GP1BA: variants seen among roughly 807,000 people sequenced by gnomAD.
GP1BA encodes platelet glycoprotein Ib alpha chain.
GP1BA carries 3 observed loss-of-function variants against 5.6 expected under a neutral mutation model. The ratio of observed to expected loss-of-function variants is 0.53; its 90% CI spans 0.24 to 1.38. The LOEUF (loss-of-function observed/expected upper bound fraction) is 1.38. GP1BA is among the 40% of genes most tolerant of loss of function. The pLI is 0.16. For synonymous variants in GP1BA, 323 were observed against 358.3 expected (o/e 0.90, Z 1.11); for missense variants, 707 against 801.4 (o/e 0.88, Z 1.42).
chr17:4,932,366 G>A lies in GP1BA; in HGVS notation c.-7+1G>A. On this transcript the variant is annotated splice_donor_variant, in intron 1 of 1. Transcript: ENST00000329125. LOFTEE classifies it low-confidence loss of function (5UTR_SPLICE). This position sits in a 1 kb window ranked among gnomAD's most constrained non-coding sequence, Gnocchi z 4.8. ...CCTTCGGAGGTCTTTCTGCCTGCCT[G>A]TAAGCCGGGGTTGGTGCTGGGGCAG... 1 of 1,385,904 alleles carries A rather than the reference G, an allele frequency of 7.2e-7. No individual in the cohort carries two copies. Among genetic ancestry groups the A allele is most frequent in the Non-Finnish European group, 9.3e-7 (1 of 1,070,132 alleles). 85.9% of individuals were successfully genotyped at this position (1,385,904 alleles called of 1,614,324 possible).
chr17:4,934,444 C>T lies in GP1BA; in HGVS notation c.1840C>T (p.Arg614Trp), dbSNP rs773598334. 2.8e-5 allele frequency: 45 copies of T among 1,613,932 alleles called. No homozygotes were observed. The highest frequency in any genetic ancestry group is 3.3e-4 in the Middle Eastern group (2 of 6,084). ...TFRSSLFLWV[R>W]PNGRVGPLVA... Reference sequence around the variant, plus strand: ...CCGCTCCAGCCTCTTCCTGTGGGTACGGCCTAATGGCCGTGTGGGGCCTCT... The same window carrying T: ...CCGCTCCAGCCTCTTCCTGTGGGTATGGCCTAATGGCCGTGTGGGGCCTCT... Residue 614 changes from arginine to tryptophan, a missense_variant, in exon 2 of 2, where the codon CGG becomes TGG. This residue lies in a region of GP1BA where 247 missense variants were observed against 246.6 expected (regional missense o/e 1.00). Transcript: ENST00000329125.
chr17:4,934,021 A>G lies in GP1BA; in HGVS notation c.1417A>G (p.Thr473Ala), dbSNP rs776443625. 10 of 1,612,428 alleles carry G rather than the reference A, an allele frequency of 6.2e-6. No homozygotes were observed. Residue 473 changes from threonine to alanine, a missense_variant, in exon 2 of 2, where the codon ACT becomes GCT. Thr to Ala is a moderately conservative substitution (Grantham distance 58). Transcript: ENST00000329125. ...TILVSATSLI[T>A]PKSTFLTTTK... Reference sequence around the variant, plus strand: ...CCTGGTGTCTGCCACAAGCCTGATCACTCCAAAAAGCACATTTTTAACTAC... The same window carrying G: ...CCTGGTGTCTGCCACAAGCCTGATCGCTCCAAAAAGCACATTTTTAACTAC...
rs772389629 is a variant in GP1BA at position 4,932,720 on chromosome 17, C to G, written c.116C>G (p.Thr39Arg). The change falls in exon 2 of 2, where the codon ACA becomes AGA. Residue 39 changes from threonine to arginine, a missense_variant. By Grantham distance (71) the Thr-to-Arg change is moderately conservative (BLOSUM62 -1). Around this residue, in one of 3 missense-constraint regions of GP1BA, gnomAD observed 442 missense variants for 498.8 expected, o/e 0.89. Coordinates refer to ENST00000329125, the MANE Select transcript of GP1BA (RefSeq NM_000173.7). The surrounding 1 kb of genome is among the most constrained non-coding windows in gnomAD (Gnocchi z 4.8). ...LEVNCDKRNL[T>R]ALPPDLPKDT... Reference sequence around the variant, plus strand: ...GTGAACTGTGACAAGAGGAATCTGACAGCGCTGCCTCCAGACCTGCCGAAA... The same window carrying G: ...GTGAACTGTGACAAGAGGAATCTGAGAGCGCTGCCTCCAGACCTGCCGAAA... 2.5e-6 allele frequency: 4 copies of G among 1,613,870 alleles called. No homozygotes were observed. The highest frequency in any genetic ancestry group is 3.4e-6 in the Non-Finnish European group (4 of 1,179,886).
rs748022108 is a variant in GP1BA, at chr17:4,933,091, A to G, written c.487A>G (p.Thr163Ala). 2.5e-5 allele frequency: 41 copies of G among 1,613,858 alleles called. No individual in the cohort carries two copies. The South Asian group carries it at 4.5e-4, about 18-fold the overall frequency. ...KTLPPGLLTP[T>A]PKLEKLSLAN... is the part of the protein sequence containing the mutation. ...CCTGCCCCCAGGGCTCCTGACGCCC[A>G]CACCCAAGCTGGAGAAGCTCAGTCT... The change falls in exon 2 of 2, where the codon ACA (threonine) becomes GCA (alanine). Residue 163 changes from threonine to alanine, a missense_variant. Transcript: ENST00000329125.
rs1314377781 is a variant in GP1BA, at chr17:4,933,711, C to T, written c.1107C>T (p.Ser369=). ...CAAATTTCACACTTCACATGGAATC[C>T]ATCACATTCTCCAAAACTCCAAAAT... is the stretch of plus-strand genomic sequence containing the variant. ...WTPNFTLHME[S]ITFSKTPKST... The change falls in exon 2 of 2, where the codon TCC becomes TCT. Residue 369 remains serine, a synonymous_variant. Transcript: ENST00000329125. 6.2e-7 allele frequency: 1 copy of T among 1,613,950 alleles called. No individual in the cohort carries two copies.
Position 4,934,483 on chromosome 17 carries a change from A to G in GP1BA, c.1879A>G (p.Arg627Gly). ...GRVGPLVAGR[R>G]PSALSQGRGQ... is the part of the protein sequence containing the mutation. ...TGTGGGGCCTCTAGTGGCAGGAAGGAGGCCCTCAGCTCTGAGTCAGGGTCG... is the reference window on the plus strand; with the variant it reads ...TGTGGGGCCTCTAGTGGCAGGAAGGGGGCCCTCAGCTCTGAGTCAGGGTCG... Residue 627 changes from arginine to glycine, a missense_variant, in exon 2 of 2, where the codon AGG becomes GGG. Transcript: ENST00000329125. 2 of 1,613,994 alleles carry G rather than the reference A, an allele frequency of 1.2e-6. No individual in the cohort carries two copies. The highest frequency in any genetic ancestry group is 8.5e-7 in the Non-Finnish European group (1 of 1,179,898).
At position 4,934,117 on chromosome 17, in the gene GP1BA, C is replaced by T. The variant is rs768602580; in HGVS notation, c.1513C>T (p.Arg505Cys). 6.2e-6 allele frequency: 10 copies of T among 1,613,700 alleles called. No individual in the cohort carries two copies. Among genetic ancestry groups the T allele is most frequent in the Admixed American group, 5.0e-5 (3 of 60,004 alleles). ...IPELDQPPKL[R>C]GVLQGHLESS... ...TGAACTTGATCAGCCACCAAAGCTC[C>T]GTGGGGTGCTCCAAGGGCATTTGGA... Residue 505 changes from arginine to cysteine, a missense_variant, in exon 2 of 2, where the codon CGT (arginine) becomes TGT (cysteine). Coordinates refer to ENST00000329125, the MANE Select transcript of GP1BA (RefSeq NM_000173.7).
In GP1BA at chr17:4,933,134, C is replaced by T. The variant is rs1296692486; in HGVS notation, c.530C>T (p.Thr177Ile). Residue 177 changes from threonine to isoleucine, a missense_variant, in exon 2 of 2, where the codon ACT (threonine) becomes ATT (isoleucine). Coordinates refer to ENST00000329125, the MANE Select transcript of GP1BA (RefSeq NM_000173.7). Reference sequence around the variant, plus strand: ...CTCAGTCTGGCTAACAACAACTTGACTGAGCTCCCCGCTGGGCTCCTGAAT... The same window carrying T: ...CTCAGTCTGGCTAACAACAACTTGATTGAGCTCCCCGCTGGGCTCCTGAAT... Reference protein sequence around the residue: ...EKLSLANNNLTELPAGLLNGL... With the variant: ...EKLSLANNNLIELPAGLLNGL... The T allele has an allele frequency of 1.2e-6, 2 of 1,613,866 alleles. No homozygotes were observed. The highest frequency in any genetic ancestry group is 2.7e-5 in the African/African-American group (2 of 74,934).
Position 4,934,531 on chromosome 17 carries a change from G to C in GP1BA, c.1927G>C (p.Val643Leu). The C allele has an allele frequency of 6.2e-7, 1 of 1,614,048 alleles. No individual in the cohort carries two copies. The highest frequency in any genetic ancestry group is 8.5e-7 in the Non-Finnish European group (1 of 1,179,902). Residue 643 changes from valine to leucine, a missense_variant, in exon 2 of 2, where the codon GTG (valine) becomes CTG (leucine). Around this residue, in one of 3 missense-constraint regions of GP1BA, gnomAD observed 247 missense variants for 246.6 expected, o/e 1.00. Coordinates refer to ENST00000329125, the MANE Select transcript of GP1BA (RefSeq NM_000173.7). ...QGRGQDLLST[V>L]SIRYSGHSL Reference sequence around the variant, plus strand: ...TCGTGGTCAGGACCTGCTGAGCACAGTGAGCATTAGGTACTCTGGCCACAG... The same window carrying C: ...TCGTGGTCAGGACCTGCTGAGCACACTGAGCATTAGGTACTCTGGCCACAG...
Position 4,932,433 on chromosome 17 carries a change from C to A in GP1BA, c.-7+68C>A. On this transcript the variant is annotated intron_variant, in intron 1 of 1. Coordinates refer to ENST00000329125, the MANE Select transcript of GP1BA (RefSeq NM_000173.7). The surrounding 1 kb of genome is among the most constrained non-coding windows in gnomAD (Gnocchi z 4.8). The stretch of plus-strand genomic sequence containing the variant: ...AGGGGAAAGAGCCAAGGACCTGGAG[C>A]TAGTAGTTTTAAGTTCTGCAGGCAA... The A allele has an allele frequency of 1.5e-6, 2 of 1,350,042 alleles. No homozygotes were observed. The highest frequency in any genetic ancestry group is 2.0e-6 in the Non-Finnish European group (2 of 1,023,912). The allele number at this position is 1,350,042 out of a possible 1,614,324, so 83.6% of individuals were successfully genotyped here.
Position 4,934,342 on chromosome 17 carries a change from C to A in GP1BA, c.1738C>A (p.Leu580Met). 6.2e-7 allele frequency: 1 copy of A among 1,614,032 alleles called. No homozygotes were observed. Among genetic ancestry groups the A allele is most frequent in the Non-Finnish European group, 8.5e-7 (1 of 1,179,910 alleles). The change falls in exon 2 of 2, where the codon CTG (leucine) becomes ATG (methionine). Residue 580 changes from leucine (L) to methionine (M), a missense_variant. Leu to Met is a conservative substitution (Grantham distance 15). Coordinates refer to ENST00000329125, the MANE Select transcript of GP1BA (RefSeq NM_000173.7). The stretch of plus-strand genomic sequence containing the variant: ...GACCACAGCCACACAAACCACACAC[C>A]TGGAGCTGCAGAGGGGACGGCAAGT... The part of the protein sequence containing the change: ...ALTTATQTTH[L>M]ELQRGRQVTV...
chr17:4,934,010 C>T lies in GP1BA; in HGVS notation c.1406C>T (p.Thr469Ile). Residue 469 changes from threonine to isoleucine, a missense_variant, in exon 2 of 2, where the codon ACA becomes ATA. Physicochemically the swap from Thr to Ile is moderately conservative, Grantham distance 89 (BLOSUM62 -1). Coordinates refer to ENST00000329125, the MANE Select transcript of GP1BA (RefSeq NM_000173.7). Reference protein sequence around the residue: ...ATSPTILVSATSLITPKSTFL... With the variant: ...ATSPTILVSAISLITPKSTFL... Reference sequence around the variant, plus strand: ...AGCCCGACCATCCTGGTGTCTGCCACAAGCCTGATCACTCCAAAAAGCACA... The same window carrying T: ...AGCCCGACCATCCTGGTGTCTGCCATAAGCCTGATCACTCCAAAAAGCACA... 1 of 1,612,740 alleles carries T rather than the reference C, an allele frequency of 6.2e-7. No homozygotes were observed. The highest frequency in any genetic ancestry group is 1.7e-5 in the Admixed American group (1 of 59,762).
chr17:4,932,518 T>C lies in GP1BA; in HGVS notation c.-6-81T>C. ...TGGATGCTGTTTCTGGAAGCGAAGC[T>C]GCAGGGGGAAGGGGGCTGGGGCCTG... On this transcript the variant is annotated intron_variant, in intron 1 of 1. Transcript: ENST00000329125. The surrounding 1 kb of genome is among the most constrained non-coding windows in gnomAD (Gnocchi z 4.8). 1 of 1,275,484 alleles carries C rather than the reference T, an allele frequency of 7.8e-7. No homozygotes were observed. Among genetic ancestry groups the C allele is most frequent in the Non-Finnish European group, 1.0e-6 (1 of 961,214 alleles). The allele number at this position is 1,275,484 out of a possible 1,614,324, so 79.0% of individuals were successfully genotyped here. A position where few individuals can be genotyped will look rare whatever the true frequency, so the allele number is the denominator to read the frequency against.
Position 4,932,862 on chromosome 17 carries a change from C to T in GP1BA, c.258C>T (p.Leu86=), listed in dbSNP as rs1970362707. The T allele has an allele frequency of 1.9e-6, 3 of 1,614,036 alleles. No individual in the cohort carries two copies. Among genetic ancestry groups the T allele is most frequent in the African/African-American group, 1.3e-5 (1 of 75,060 alleles). Residue 86 remains leucine (L), a synonymous_variant, in exon 2 of 2, where the codon CTC becomes CTT. Transcript: ENST00000329125. This position sits in a 1 kb window ranked among gnomAD's most constrained non-coding sequence, Gnocchi z 4.8. ...TAGATAGGTGCGAGCTCACCAAGCTCCAGGTCGATGGGACGCTGCCAGTGC... is the reference window on the plus strand; with the variant it reads ...TAGATAGGTGCGAGCTCACCAAGCTTCAGGTCGATGGGACGCTGCCAGTGC... The part of the protein sequence containing the change: ...LNLDRCELTK[L]QVDGTLPVLG...
At position 4,933,836 on chromosome 17, in the gene GP1BA, C is replaced by T. The variant is rs139921368; in HGVS notation, c.1232C>T (p.Pro411Leu). The T allele has an allele frequency of 7.2e-4, 1,052 of 1,470,720 alleles. 3 individuals carry two copies. In the Middle Eastern group the frequency reaches 1.0e-2, roughly 14 times the overall value. The allele number at this position is 1,470,720 out of a possible 1,614,324, so 91.1% of individuals were successfully genotyped here. ...TLEPTPSPTT[P>L]EPTSEPAPSP... ...GAGCCCACTCCAAGCCCGACCACCCCAGAGCCCACCTCAGAGCCCGCCCCC... is the reference window on the plus strand; with the variant it reads ...GAGCCCACTCCAAGCCCGACCACCCTAGAGCCCACCTCAGAGCCCGCCCCC... Residue 411 changes from proline to leucine, a missense_variant, in exon 2 of 2, where the codon CCA becomes CTA. Physicochemically the swap from Pro to Leu is moderately conservative, Grantham distance 98 (BLOSUM62 -3). Around this residue, in one of 3 missense-constraint regions of GP1BA, gnomAD observed 18 missense variants for 56.0 expected, o/e 0.32. Coordinates refer to ENST00000329125, the MANE Select transcript of GP1BA (RefSeq NM_000173.7).
rs148656162 is a variant in GP1BA, at chr17:4,934,089, C to T, written c.1485C>T (p.Ile495=). 1,023 of 1,613,774 alleles carry T rather than the reference C, an allele frequency of 6.3e-4. 3 individuals are homozygous for T. In the African/African-American group the frequency reaches 9.2e-3, roughly 14 times the overall value. The change falls in exon 2 of 2, where the codon ATC becomes ATT. Residue 495 remains isoleucine, a synonymous_variant. Coordinates refer to ENST00000329125, the MANE Select transcript of GP1BA (RefSeq NM_000173.7). ...TCTTAGAATCCACCAAAAAAACCAT[C>T]CCTGAACTTGATCAGCCACCAAAGC... ...VSLLESTKKT[I]PELDQPPKLR...
At position 4,934,735 on chromosome 17, in the gene GP1BA, A is replaced by T; in HGVS notation, c.*172A>T. On this transcript the variant is annotated 3_prime_UTR_variant, in exon 2 of 2. Coordinates refer to ENST00000329125, the MANE Select transcript of GP1BA (RefSeq NM_000173.7). Reference sequence around the variant, plus strand: ...AGGCACACAATTTCAGTCCCAGCCAAAGCAGAAGGGGTAATGACATGGACT... The same window carrying T: ...AGGCACACAATTTCAGTCCCAGCCATAGCAGAAGGGGTAATGACATGGACT... 1 of 691,592 alleles carries T rather than the reference A, an allele frequency of 1.4e-6. No homozygotes were observed. Among genetic ancestry groups the T allele is most frequent in the Non-Finnish European group, 2.5e-6 (1 of 397,790 alleles). 42.8% of individuals were successfully genotyped at this position (691,592 alleles called of 1,614,324 possible).
chr17:4,932,814 C>T lies in GP1BA; in HGVS notation c.210C>T (p.Tyr70=), dbSNP rs1567647743. The change falls in exon 2 of 2, where the codon TAC becomes TAT. Residue 70 remains tyrosine, a synonymous_variant. Transcript: ENST00000329125. The surrounding 1 kb of genome is among the most constrained non-coding windows in gnomAD (Gnocchi z 4.8). The part of the protein sequence containing the change: ...YTFSLATLMP[Y]TRLTQLNLDR... Reference sequence around the variant, plus strand: ...TCTCCCTGGCAACCCTGATGCCTTACACTCGCCTCACTCAGCTGAACCTAG... The same window carrying T: ...TCTCCCTGGCAACCCTGATGCCTTATACTCGCCTCACTCAGCTGAACCTAG... 5 of 1,613,918 alleles carry T rather than the reference C, an allele frequency of 3.1e-6. No homozygotes were observed. Among genetic ancestry groups the T allele is most frequent in the Non-Finnish European group, 4.2e-6 (5 of 1,179,902 alleles).
Position 4,933,168 on chromosome 17 carries a change from G to A in GP1BA, c.564G>A (p.Glu188=), listed in dbSNP as rs754117138. The change falls in exon 2 of 2, where the codon GAG becomes GAA. Residue 188 remains glutamate (E), a synonymous_variant. Transcript: ENST00000329125. ...ELPAGLLNGL[E]NLDTLLLQEN... ...CCGCTGGGCTCCTGAATGGGCTGGA[G>A]AATCTCGACACCCTTCTCCTCCAAG... 2.3e-5 allele frequency: 37 copies of A among 1,613,886 alleles called. No homozygotes were observed. Among genetic ancestry groups the A allele is most frequent in the Non-Finnish European group, 3.1e-5 (36 of 1,179,884 alleles).
Sources: gnomAD v4.1 joint callset for allele counts on GRCh38, gnomAD v4.1.1 for gene constraint, gnomAD v4.1.1 regional missense constraint, Gnocchi (gnomAD v3.1) non-coding constraint, MANE v1.5 for transcripts, NCBI Gene and HGNC (gene_info 2026-07-23, HGNC 2026-07-21) for gene names.